The following MLIP variants were observed in gnomAD, a reference collection of about 807,000 sequenced individuals.
The protein encoded by MLIP is muscular LMNA interacting protein.
Under a neutral mutation model 84.8 loss-of-function variants are expected in MLIP, and 79 were observed. The observed-to-expected ratio is 0.93, with a 90% CI of 0.78 to 1.12. The LOEUF (loss-of-function observed/expected upper bound fraction) is 1.12. Among genes scored for constraint, MLIP ranks in the 50% most tolerant of loss-of-function variants. MLIP has a pLI of 0.00. For missense variants in MLIP, 1,257 were observed against 1,160.6 expected (o/e 1.08, Z -1.21); for synonymous variants, 504 against 463.0 (o/e 1.09, Z -1.14).
chr6:54,044,649 T>C (rs1418840050), intron 1 of MLIP, among the ~76,000 whole-genome samples: 5 of 151,466 alleles, frequency 3.3e-5, no homozygotes, highest in Admixed American at 3.3e-4. Context: ...TTTTTTTTTT[T>C]CTTCAACGTC....
chr6:54,172,412 G>A (rs2150602047), intron 9 of MLIP, among the ~76,000 whole-genome samples: 1 of 151,620 alleles, frequency 6.6e-6, no homozygotes, highest in East Asian at 1.9e-4. Flanking sequence ...GAGTCACTGG[G>A]GTGCGAAGAG....
intron 8 of MLIP, among the ~76,000 whole-genome samples, chr6:54,161,361 T>A (rs2150565371): frequency 6.6e-6 from 1 of 152,082 alleles, no homozygotes; most frequent in African/African-American, 2.4e-5. Context: ...ATTGTTAGAG[T>A]ACTACTAAAC....
intron 1 of MLIP, among the ~76,000 whole-genome samples, chr6:54,057,352 A>G (rs1448158956): frequency 3.3e-5 from 5 of 152,246 alleles, no homozygotes; most frequent in Non-Finnish European, 5.9e-5. Flanking sequence ...CTACTGCCCC[A>G]GGATACAAAA....
intron 1 of MLIP, among the ~76,000 whole-genome samples, chr6:54,120,566 A>G (rs765270507): frequency 5.9e-5 from 9 of 152,046 alleles, no homozygotes; most frequent in Non-Finnish European, 8.8e-5. Context: ...ACTAGATTTT[A>G]TCTATCTACA....
chr6:54,210,004 TAACTA>T (rs1421006097), intron 11 of MLIP, among the ~76,000 whole-genome samples: 9 of 50,630 alleles, frequency 1.8e-4, no homozygotes, highest in African/African-American at 5.3e-4. Flanking sequence ...TTAAAAAAAT[TAACTA>T]TACAGTTAAT....
chr6:54,212,242 G>A (rs1379211504), intron 11 of MLIP, among the ~76,000 whole-genome samples: 4 of 152,130 alleles, frequency 2.6e-5, no homozygotes, highest in Admixed American at 6.5e-5. Context: ...CTTAAAATCC[G>A]TATTGTTGGA....
At chr6:54,229,036 T>G (rs1433608023) in intron 11 of MLIP, among the ~76,000 whole-genome samples, 1 of 152,270 alleles carries the variant, frequency 6.6e-6, no homozygotes, top group East Asian at 1.9e-4. Flanking sequence ...GGCTTTCATT[T>G]CATTTTCATT....
chr6:54,150,357 T>C (rs1321886), intron 5 of MLIP, among the ~76,000 whole-genome samples: 57,785 of 152,106 alleles, frequency 0.38, 13,137 homozygotes, highest in African/African-American at 0.64. Flanking sequence ...GGGACTAAAA[T>C]ACGGATTTCA....
intron 4 of MLIP, among the ~76,000 whole-genome samples, chr6:54,146,978 A>C (rs1772908717): frequency 6.6e-6 from 1 of 152,138 alleles, no homozygotes; most frequent in African/African-American, 2.4e-5. Context: ...CCATATATAA[A>C]ATGGGGATAG....
intron 1 of MLIP, among the ~76,000 whole-genome samples, chr6:54,056,123 C>T (rs1003976229): frequency 6.6e-5 from 10 of 152,088 alleles, no homozygotes; most frequent in African/African-American, 2.2e-4. Flanking sequence ...ATACTGTGGA[C>T]ATGTCATGTC....
At chr6:54,222,751 G>T (rs1418571820) in intron 11 of MLIP, among the ~76,000 whole-genome samples, 1 of 151,956 alleles carries the variant, frequency 6.6e-6, no homozygotes, top group African/African-American at 2.4e-5. Flanking sequence ...TGGGATCGAT[G>T]CATTTTTATG....
At chr6:54,169,462 A>G (rs758221055) in intron 8 of MLIP, 66 bp from the exon 9 acceptor site, 59 of 1,101,716 alleles carry the variant, frequency 5.4e-5, no homozygotes, top group Non-Finnish European at 7.2e-5. Context: ...AACACATTCC[A>G]GAAGTTGAGT....
At position 54,226,636 on chromosome 6, in the gene MLIP, TAAAACAAACAAA is replaced by T. The variant is rs1162884784; in HGVS notation, c.2719-4077_2719-4066del. 2.2e-5 allele frequency among the ~76,000 whole-genome samples: 3 copies of T among 136,862 alleles called. No individual in the cohort carries two copies. The East Asian group carries it at 6.3e-4, about 29-fold the overall frequency. The allele number at this position is 136,862 out of a possible 152,430, so 89.8% of individuals were successfully genotyped here. On this transcript the variant is annotated intron_variant, in intron 11 of 13. Transcript: ENST00000502396. ...AAAAAAAAAATGACCAAACAGGAAA[TAAAACAAACAAA>T]CAAACAAACAAACAAACAAAACAGA...
chr6:54,210,132 T>TCACCGCACCGCACCGCACCG (rs1465493033), intron 11 of MLIP, among the ~76,000 whole-genome samples: 18 of 152,118 alleles, frequency 1.2e-4, no homozygotes, highest in African/African-American at 4.1e-4. Flanking sequence ...CCTGCCCACC[T>TCACCGCACCGCACCGCACCG]CACCTCACCG....
chr6:54,242,532 G>T (rs770541637), intron 12 of MLIP, among the ~76,000 whole-genome samples: 1 of 151,910 alleles, frequency 6.6e-6, no homozygotes, highest in Non-Finnish European at 1.5e-5. Context: ...TTTTGCCAGA[G>T]GTTTCTTCTG....
chr6:54,189,669 T>C (rs1777726186), intron 9 of MLIP, among the ~76,000 whole-genome samples: 1 of 152,114 alleles, frequency 6.6e-6, no homozygotes, highest in South Asian at 2.1e-4. Flanking sequence ...TAAAAATACA[T>C]AGGAAAAATA....
At chr6:54,124,262 C>A (rs1322557638) in intron 2 of MLIP, among the ~76,000 whole-genome samples, 4 of 152,056 alleles carry the variant, frequency 2.6e-5, no homozygotes, top group Non-Finnish European at 4.4e-5. Flanking sequence ...ATTACTATCC[C>A]AAAATTGTTT....
At chr6:54,228,027 C>CA (rs1162150842) in intron 11 of MLIP, among the ~76,000 whole-genome samples, 8 of 151,376 alleles carry the variant, frequency 5.3e-5, no homozygotes, top group Admixed American at 5.3e-4. Context: ...ACTAAAAATA[C>CA]AAAAAATTAG....
intron 8 of MLIP, among the ~76,000 whole-genome samples, chr6:54,164,840 C>G (rs1775016714): frequency 1.3e-5 from 2 of 151,510 alleles, no homozygotes; most frequent in African/African-American, 4.8e-5. Flanking sequence ...GATGTTCCAT[C>G]CTTTATTTAT....
Sources: gnomAD v4.1 joint callset for allele counts (sites outside exome capture counted in the v4.1 genomes callset) on GRCh38, gnomAD v4.1.1 for gene constraint, MANE v1.5 for transcripts, NCBI Gene and HGNC (gene_info 2026-07-23, HGNC 2026-07-21) for gene names.